The following NKAIN2 variants were observed in gnomAD, a reference collection of about 807,000 sequenced individuals.
The protein encoded by NKAIN2 is sodium/potassium-transporting ATPase subunit beta-1-interacting protein 2.
In NKAIN2, 14 loss-of-function variants were observed where a neutral mutation model predicts 32.6. The observed-to-expected ratio is 0.43, with a 90% CI of 0.28 to 0.67. The LOEUF is 0.67. Ranked by LOEUF, NKAIN2 falls within the 30% of genes least tolerant of loss-of-function variation. NKAIN2 has a pLI of 0.17. For synonymous variants in NKAIN2, 80 were observed against 87.2 expected (o/e 0.92, Z 0.46); for missense variants, 198 against 258.3 (o/e 0.77, Z 1.60).
At chr6:124,740,447 C>CGTGTGTGTGTGTGTGTGTGTGT (rs56154164) in intron 4 of NKAIN2, among the ~76,000 whole-genome samples, 4 of 143,854 alleles carry the variant, frequency 2.8e-5, no homozygotes, top group South Asian at 4.6e-4. Flanking sequence ...CACATATACA[C>CGTGTGTGTGTGTGTGTGTGTGT]GTGTGTGTGT....
intron 1 of NKAIN2, among the ~76,000 whole-genome samples, chr6:124,253,817 T>C (rs1016712854): frequency 3.3e-5 from 5 of 151,688 alleles, no homozygotes; most frequent in Admixed American, 6.6e-5. Context: ...CGGTTGTTTA[T>C]GTGCAATGTT....
intron 4 of NKAIN2, among the ~76,000 whole-genome samples, chr6:124,697,253 G>A (rs11968310): frequency 2.6e-5 from 4 of 152,060 alleles, no homozygotes; most frequent in African/African-American, 9.7e-5. Context: ...TATGACAACA[G>A]TAGTGGTGAG....
At position 124,679,474 on chromosome 6, in the gene NKAIN2, C is replaced by T. The variant is rs141536043; in HGVS notation, c.474+21088C>T. Among the ~76,000 whole-genome samples, 595 of 152,254 alleles carry T rather than the reference C, an allele frequency of 3.9e-3. 3 individuals are homozygous for T. The highest frequency in any genetic ancestry group is 0.013 in the African/African-American group (557 of 41,550). ...CAGGAGCTGGAGGTATTTTCCCAAT[C>T]ATACTATACTGAGCCAAGTGGAAGG... is the stretch of plus-strand genomic sequence containing the variant. On this transcript the variant is annotated intron_variant, in intron 4 of 6. Coordinates refer to ENST00000368417, the MANE Select transcript of NKAIN2 (RefSeq NM_001040214.3).
chr6:124,216,169 G>T (rs909597183), intron 1 of NKAIN2, among the ~76,000 whole-genome samples: 4 of 150,950 alleles, frequency 2.6e-5, no homozygotes, highest in African/African-American at 9.7e-5. Flanking sequence ...GTCTAAATAG[G>T]AGCATGAGTA....
chr6:124,600,372 G>A (rs904273015), intron 3 of NKAIN2, among the ~76,000 whole-genome samples: 1 of 152,038 alleles, frequency 6.6e-6, no homozygotes, highest in Non-Finnish European at 1.5e-5. Context: ...CGGTCAATCT[G>A]ATTGAACCTA....
At chr6:124,739,000 T>C (rs1331016206) in intron 4 of NKAIN2, among the ~76,000 whole-genome samples, 1 of 151,936 alleles carries the variant, frequency 6.6e-6, no homozygotes, top group African/African-American at 2.4e-5. Context: ...GTGTGTTTAA[T>C]ATATTCTCTT....
rs142084633 is a variant in NKAIN2, at chr6:124,088,554, G to T, written c.55-194451G>T. On this transcript the variant is annotated intron_variant, in intron 1 of 6. Coordinates refer to ENST00000368417, the MANE Select transcript of NKAIN2 (RefSeq NM_001040214.3). ...GAAAAGTTTTTCATTGTTCCTAAAA[G>T]AATTATTTAGTTTTTACCTGCTGAA... Among the ~76,000 whole-genome samples, 1,127 of 152,068 alleles carry T rather than the reference G, an allele frequency of 7.4e-3. 9 individuals are homozygous for T. Among genetic ancestry groups the T allele is most frequent in the East Asian group, 0.024 (125 of 5,176 alleles).
chr6:124,514,007 C>T (rs1778812846), intron 3 of NKAIN2, among the ~76,000 whole-genome samples: 1 of 152,128 alleles, frequency 6.6e-6, no homozygotes, highest in Admixed American at 6.5e-5. Flanking sequence ...GAAATACTAG[C>T]TATGCTATAT....
chr6:123,910,527 T>TG (rs1465406832), intron 1 of NKAIN2, among the ~76,000 whole-genome samples: 5 of 120,210 alleles, frequency 4.2e-5, no homozygotes, highest in Non-Finnish European at 8.5e-5. Context: ...TTTTTTGAGA[T>TG]GGGGTCTCGC....
chr6:124,422,402 T>A (rs1016689313), intron 3 of NKAIN2, among the ~76,000 whole-genome samples: 1 of 152,150 alleles, frequency 6.6e-6, no homozygotes, highest in Admixed American at 6.6e-5. Flanking sequence ...AACTTGGATA[T>A]TTTTATATCC....
At chr6:123,948,529 T>A (rs192263727) in intron 1 of NKAIN2, among the ~76,000 whole-genome samples, 8 of 151,752 alleles carry the variant, frequency 5.3e-5, no homozygotes, top group Non-Finnish European at 1.0e-4. Context: ...TGTTGAACAT[T>A]TTTTCATATA....
At chr6:124,502,596 A>G (rs1322182208) in intron 3 of NKAIN2, among the ~76,000 whole-genome samples, 1 of 152,196 alleles carries the variant, frequency 6.6e-6, no homozygotes, top group Admixed American at 6.5e-5. Context: ...AAGATTATAG[A>G]AAAGAATTCA....
At chr6:124,029,372 T>C (rs1186832136) in intron 1 of NKAIN2, among the ~76,000 whole-genome samples, 2 of 149,916 alleles carry the variant, frequency 1.3e-5, no homozygotes, top group Non-Finnish European at 3.0e-5. Flanking sequence ...AAAAATAAAA[T>C]AAATATTTAC....
chr6:123,898,025 C>T (rs1466541784), intron 1 of NKAIN2, among the ~76,000 whole-genome samples: 3 of 152,184 alleles, frequency 2.0e-5, no homozygotes, highest in East Asian at 1.9e-4. Context: ...TCTTACTGCT[C>T]GTAGATGTCC....
At chr6:124,200,149 A>G (rs1229968675) in intron 1 of NKAIN2, among the ~76,000 whole-genome samples, 1 of 152,154 alleles carries the variant, frequency 6.6e-6, no homozygotes, top group Admixed American at 6.5e-5. Flanking sequence ...ACAATGAAAT[A>G]AAGTAAGTTA....
At chr6:123,926,447 G>T (rs1776007052) in intron 1 of NKAIN2, among the ~76,000 whole-genome samples, 12 of 151,066 alleles carry the variant, frequency 7.9e-5, no homozygotes, top group Admixed American at 5.9e-4. Context: ...TTCCCCAGAT[G>T]CCCACTGCTC....
chr6:124,317,425 T>A (rs1797003641), intron 2 of NKAIN2, among the ~76,000 whole-genome samples: 1 of 152,094 alleles, frequency 6.6e-6, no homozygotes, highest in Non-Finnish European at 1.5e-5. Context: ...AGTTTAGACA[T>A]TTGGTACTGA....
At chr6:124,716,733 T>G (rs779371505) in intron 4 of NKAIN2, among the ~76,000 whole-genome samples, 15 of 152,046 alleles carry the variant, frequency 9.9e-5, no homozygotes, top group Non-Finnish European at 2.2e-4. Context: ...CCCATAGCTT[T>G]CTTTCTCACC....
At chr6:124,726,359 C>G (rs1314620954) in intron 4 of NKAIN2, among the ~76,000 whole-genome samples, 7 of 152,230 alleles carry the variant, frequency 4.6e-5, no homozygotes, top group African/African-American at 1.7e-4. Flanking sequence ...AGCTAGAGAT[C>G]TGAGAACGGG....
Sources: gnomAD v4.1 joint callset for allele counts (sites outside exome capture counted in the v4.1 genomes callset) on GRCh38, gnomAD v4.1.1 for gene constraint, MANE v1.5 for transcripts, NCBI Gene and HGNC (gene_info 2026-07-23, HGNC 2026-07-21) for gene names.